The following IFNAR2 variants were observed in gnomAD, a reference collection of about 807,000 sequenced individuals.
The protein encoded by IFNAR2 is interferon alpha and beta receptor subunit 2.
In IFNAR2, 30 loss-of-function variants were observed where a neutral mutation model predicts 49.4. The observed-to-expected ratio is 0.61, with a 90% CI of 0.45 to 0.82. The LOEUF (loss-of-function observed/expected upper bound fraction) is 0.82, where lower values mean the gene tolerates loss of function less well. IFNAR2 is among the 40% of genes least tolerant of loss of function. The pLI, the probability that IFNAR2 is intolerant of heterozygous loss-of-function variation, is 0.00. For synonymous variants in IFNAR2, 224 were observed against 234.5 expected (o/e 0.96, Z 0.41); for missense variants, 600 against 622.7 (o/e 0.96, Z 0.39).
At chr21:33,236,043 A>G (rs1309833031) in intron 1 of IFNAR2, among the ~76,000 whole-genome samples, 1 of 152,226 alleles carries the variant, frequency 6.6e-6, no homozygotes, top group Non-Finnish European at 1.5e-5. Flanking sequence ...TCATATATGG[A>G]ATTGCCAAGT....
At chr21:33,235,282 C>A (rs1255857101) in intron 1 of IFNAR2, among the ~76,000 whole-genome samples, 1 of 152,182 alleles carries the variant, frequency 6.6e-6, no homozygotes, top group Admixed American at 6.5e-5. Context: ...TGCAGCCCAG[C>A]AGGTCTCAGC....
intron 5 of IFNAR2, 63 bp downstream of exon 5, chr21:33,246,953 C>A (rs1221432587): frequency 4.2e-6 from 6 of 1,419,370 alleles, no homozygotes; most frequent in Non-Finnish European, 5.9e-6. Context: ...ATTTGCTATT[C>A]CATGAAATAG....
At chr21:33,249,806 C>T (rs1012495484) in intron 6 of IFNAR2, among the ~76,000 whole-genome samples, 2 of 152,098 alleles carry the variant, frequency 1.3e-5, no homozygotes, top group Admixed American at 6.5e-5. Context: ...GCATTTCAGG[C>T]GGAGGGCACA....
chr21:33,249,232 T>C (rs1026886353), intron 6 of IFNAR2, among the ~76,000 whole-genome samples: 1 of 151,230 alleles, frequency 6.6e-6, no homozygotes, highest in Non-Finnish European at 1.5e-5. Flanking sequence ...TAATCCTAGC[T>C]ACTCCGGAGG....
At chr21:33,249,238 G>A (rs575249871) in intron 6 of IFNAR2, among the ~76,000 whole-genome samples, 18 of 151,836 alleles carry the variant, frequency 1.2e-4, no homozygotes, top group South Asian at 4.2e-4. Flanking sequence ...TAGCTACTCC[G>A]GAGGCTGAGG....
At chr21:33,260,284 C>T (rs1988477225) in intron 7 of IFNAR2, among the ~76,000 whole-genome samples, 1 of 152,128 alleles carries the variant, frequency 6.6e-6, no homozygotes, top group African/African-American at 2.4e-5. Flanking sequence ...ACTGAGAGAC[C>T]GAGCTCTTAA....
Position 33,248,695 on chromosome 21 carries a change from T to C in IFNAR2, c.395-14T>C, listed in dbSNP as rs750315155. 6.3e-7 allele frequency: 1 copy of C among 1,593,048 alleles called. No individual in the cohort carries two copies. Among genetic ancestry groups the C allele is most frequent in the Non-Finnish European group, 8.5e-7 (1 of 1,170,738 alleles). On this transcript the variant is annotated splice_polypyrimidine_tract_variant and intron_variant, in intron 5 of 8. Transcript: ENST00000342136. ...TCTGTGACATATTCCTGTCTGTTTT[T>C]GTTTTTTGCACAGTGTCTTTTGAAC...
In IFNAR2 at chr21:33,252,827, T is replaced by G. The variant is rs150495861; in HGVS notation, c.706T>G (p.Ser236Ala). Residue 236 changes from serine to alanine, a missense_variant, in exon 7 of 9, where the codon TCA becomes GCA. Transcript: ENST00000342136. ...KCTLLPPGQE[S>A]ESAESAKIGG... ...CACCCTCCTTCCACCTGGCCAGGAA[T>G]CAGGTATGTTCATTTTTTTAAATTC... 8.1e-6 allele frequency: 13 copies of G among 1,611,026 alleles called. No homozygotes were observed. The African/African-American group carries it at 1.6e-4, about 20-fold the overall frequency.
chr21:33,262,364 C>CA (rs58341848), intron 8 of IFNAR2, among the ~76,000 whole-genome samples: 34,086 of 96,230 alleles, frequency 0.35, 5,574 homozygotes, highest in Non-Finnish European at 0.37. Context: ...ACTCCCGTCT[C>CA]AAAAAAAAAA....
intron 1 of IFNAR2, among the ~76,000 whole-genome samples, chr21:33,237,078 G>GATGTGTGTGTGTGTGTGTGTGTGTGT (rs3223272): frequency 3.5e-4 from 51 of 147,698 alleles, no homozygotes; most frequent in African/African-American, 1.3e-3. Flanking sequence ...GGGAGAATGG[G>GATGTGTGTGTGTGTGTGTGTGTGTGT]GTGTGTGTGT....
intron 1 of IFNAR2, chr21:33,234,652 C>A: frequency 3.1e-6 from 2 of 636,570 alleles, no homozygotes; most frequent in Non-Finnish European, 3.9e-6. Context: ...TTTATCTGGG[C>A]CTTGAAAATT....
intron 1 of IFNAR2, among the ~76,000 whole-genome samples, chr21:33,239,403 A>G (rs9978157): frequency 0.12 from 18,536 of 152,166 alleles, 1,360 homozygotes; most frequent in African/African-American, 0.2. Flanking sequence ...ACAAATTGCA[A>G]TGTTGGCTTC....
chr21:33,260,825 C>T (rs1988519441), intron 8 of IFNAR2, 98 bp downstream of exon 8: 1 of 764,886 alleles, frequency 1.3e-6, no homozygotes, highest in East Asian at 3.2e-5. Context: ...AGAAGAAAAT[C>T]TCATTTTCTA....
chr21:33,236,414 C>T (rs1986461225), intron 1 of IFNAR2, among the ~76,000 whole-genome samples: 1 of 152,176 alleles, frequency 6.6e-6, no homozygotes, highest in Non-Finnish European at 1.5e-5. Context: ...GTGTAGTGGC[C>T]ACGTCCAAGG....
intron 6 of IFNAR2, among the ~76,000 whole-genome samples, chr21:33,250,488 G>A (rs989461782): frequency 3.3e-5 from 5 of 152,174 alleles, no homozygotes; most frequent in Non-Finnish European, 7.3e-5. Context: ...CTTGATAGTA[G>A]AGGGGTAATG....
intron 7 of IFNAR2, 160 bp downstream of exon 7, chr21:33,252,990 G>A: frequency 1.5e-6 from 1 of 678,152 alleles, no homozygotes; most frequent in Non-Finnish European, 2.7e-6. Context: ...TCGTGTGTAT[G>A]ATCTGGTAGA....
At chr21:33,256,636 T>C (rs575015727) in intron 7 of IFNAR2, among the ~76,000 whole-genome samples, 1 of 152,338 alleles carries the variant, frequency 6.6e-6, no homozygotes, top group South Asian at 2.1e-4. Flanking sequence ...TTAAAACTAA[T>C]GGTTTGTCTC....
chr21:33,261,097 C>T (rs547236174), intron 8 of IFNAR2, among the ~76,000 whole-genome samples: 13 of 129,316 alleles, frequency 1.0e-4, no homozygotes, highest in African/African-American at 3.9e-4. Context: ...AGTACAGTGG[C>T]GTGATCTCAG....
intron 6 of IFNAR2, among the ~76,000 whole-genome samples, chr21:33,250,156 G>A (rs1246803159): frequency 6.6e-6 from 1 of 152,028 alleles, no homozygotes; most frequent in Non-Finnish European, 1.5e-5. Flanking sequence ...TTTTAATATC[G>A]ACATGGATTA....
Sources: allele counts gnomAD v4.1 joint callset (sites outside exome capture counted in the v4.1 genomes callset), GRCh38; gene constraint gnomAD v4.1.1; transcripts MANE v1.5; gene names NCBI Gene and HGNC (gene_info 2026-07-23, HGNC 2026-07-21).